Variants in BBS9 observed in about 807,000 individuals in gnomAD.
BBS9 encodes protein PTHB1.
Under a neutral mutation model 117.7 loss-of-function variants are expected in BBS9, and 89 were observed. That is an observed-to-expected ratio of 0.76 (90% CI 0.64 to 0.90). The LOEUF (loss-of-function observed/expected upper bound fraction) is 0.90. Ranked by LOEUF, BBS9 falls within the 40% of genes least tolerant of loss-of-function variation. BBS9 has a pLI of 0.00. For synonymous variants in BBS9, 379 were observed against 370.9 expected (o/e 1.02, Z -0.25); for missense variants, 982 against 1,042.2 (o/e 0.94, Z 0.80).
At chr7:33,356,005 C>T (rs1440144687) in intron 15 of BBS9, among the ~76,000 whole-genome samples, 3 of 151,702 alleles carry the variant, frequency 2.0e-5, no homozygotes, top group African/African-American at 7.3e-5. Flanking sequence ...GTAATTAGCT[C>T]AGAATTTGGT....
intron 21 of BBS9, among the ~76,000 whole-genome samples, chr7:33,633,745 A>G (rs952721794): frequency 1.7e-4 from 26 of 152,136 alleles, no homozygotes; most frequent in Admixed American, 1.3e-3. Flanking sequence ...TTCCTCTTGT[A>G]AAAACTGTGT....
chr7:33,624,064 C>T (rs1235093420), intron 21 of BBS9, among the ~76,000 whole-genome samples: 3 of 151,766 alleles, frequency 2.0e-5, no homozygotes, highest in Non-Finnish European at 4.4e-5. Flanking sequence ...AAACAGAAAA[C>T]GACATGCCTC....
intron 1 of BBS9, among the ~76,000 whole-genome samples, chr7:33,130,466 A>G (rs1311789372): frequency 1.3e-5 from 2 of 152,228 alleles, no homozygotes; most frequent in African/African-American, 4.8e-5. Context: ...TGATTTTATC[A>G]GCACCTCCTG....
intron 5 of BBS9, among the ~76,000 whole-genome samples, chr7:33,201,105 GT>G (rs1294494978): frequency 6.6e-6 from 1 of 152,036 alleles, no homozygotes. Flanking sequence ...TACTCTAGAG[GT>G]TTTTTTCACT....
chr7:33,582,303 G>C (rs1042657792), intron 21 of BBS9, among the ~76,000 whole-genome samples: 18 of 152,102 alleles, frequency 1.2e-4, no homozygotes, highest in Non-Finnish European at 1.9e-4. Context: ...GTGGGGCACA[G>C]TGTGAGGAGG....
chr7:33,630,141 A>G (rs887672601), intron 21 of BBS9, among the ~76,000 whole-genome samples: 1 of 152,192 alleles, frequency 6.6e-6, no homozygotes. Flanking sequence ...ACGTCTAAAA[A>G]TCCCTTGTCA....
chr7:33,576,557 T>G (rs568309379), intron 21 of BBS9, among the ~76,000 whole-genome samples: 11 of 152,274 alleles, frequency 7.2e-5, no homozygotes, highest in African/African-American at 2.4e-4. Flanking sequence ...AAAAAAACAC[T>G]TTAAAGTTCA....
chr7:33,333,497 A>G (rs1246614866), intron 9 of BBS9, among the ~76,000 whole-genome samples: 1 of 152,216 alleles, frequency 6.6e-6, no homozygotes, highest in Non-Finnish European at 1.5e-5. Flanking sequence ...AATGACATGA[A>G]TAGACAATTC....
chr7:33,338,011 T>C (rs1815731499), intron 10 of BBS9, among the ~76,000 whole-genome samples: 1 of 152,154 alleles, frequency 6.6e-6, no homozygotes, highest in African/African-American at 2.4e-5. Flanking sequence ...GTTATAGTGA[T>C]GACCTTGGGT....
At chr7:33,248,754 C>T (rs184151544) in intron 5 of BBS9, among the ~76,000 whole-genome samples, 1 of 152,142 alleles carries the variant, frequency 6.6e-6, no homozygotes, top group African/African-American at 2.4e-5. Context: ...TCCGTGCATG[C>T]GTAAAATGAA....
chr7:33,182,407 A>G (rs1798218670), intron 5 of BBS9, among the ~76,000 whole-genome samples: 1 of 152,138 alleles, frequency 6.6e-6, no homozygotes, highest in Non-Finnish European at 1.5e-5. Context: ...GATGTGGCTA[A>G]CTCCACATGT....
intron 7 of BBS9, among the ~76,000 whole-genome samples, chr7:33,268,910 T>G (rs34950347): frequency 0.11 from 17,198 of 152,172 alleles, 1,145 homozygotes; most frequent in African/African-American, 0.18. Flanking sequence ...TACAATATAA[T>G]GAGAAATATA....
intron 21 of BBS9, among the ~76,000 whole-genome samples, chr7:33,623,675 A>G (rs1390104378): frequency 6.6e-6 from 1 of 152,228 alleles, no homozygotes; most frequent in Admixed American, 6.5e-5. Flanking sequence ...ACTGTGGGGT[A>G]CTACACAGCA....
intron 9 of BBS9, among the ~76,000 whole-genome samples, chr7:33,274,766 G>T (rs1010702483): frequency 1.3e-5 from 2 of 152,086 alleles, no homozygotes; most frequent in African/African-American, 2.4e-5. Flanking sequence ...AGGCCGAGGT[G>T]GTTGGATCAT....
At chr7:33,361,242 C>T (rs1181037867) in intron 16 of BBS9, among the ~76,000 whole-genome samples, 1 of 152,088 alleles carries the variant, frequency 6.6e-6, no homozygotes, top group Non-Finnish European at 1.5e-5. Context: ...GTCACAATAC[C>T]AGTAGTTTTA....
intron 19 of BBS9, among the ~76,000 whole-genome samples, chr7:33,422,257 C>T (rs1832968238): frequency 6.6e-6 from 1 of 152,132 alleles, no homozygotes; most frequent in African/African-American, 2.4e-5. Flanking sequence ...TATTACTTCA[C>T]AGTAACATGT....
chr7:33,420,059 C>G (rs1390299071), intron 19 of BBS9, among the ~76,000 whole-genome samples: 3 of 152,136 alleles, frequency 2.0e-5, no homozygotes, highest in Non-Finnish European at 4.4e-5. Flanking sequence ...ATTCAATGAC[C>G]TGCCCAAAGT....
intron 17 of BBS9, among the ~76,000 whole-genome samples, chr7:33,372,537 G>A (rs777386967): frequency 7.2e-5 from 11 of 152,020 alleles, no homozygotes; most frequent in Non-Finnish European, 1.5e-4. Flanking sequence ...TTAATGTGCT[G>A]TGTTGAATTT....
At chr7:33,489,518 C>CT (rs1843618299) in intron 19 of BBS9, among the ~76,000 whole-genome samples, 1 of 152,020 alleles carries the variant, frequency 6.6e-6, no homozygotes, top group African/African-American at 2.4e-5. Flanking sequence ...TATCGGTAAA[C>CT]TAAGAGGAGA....
Sources: gnomAD v4.1 joint callset for allele counts (sites outside exome capture counted in the v4.1 genomes callset) on GRCh38, gnomAD v4.1.1 for gene constraint, MANE v1.5 for transcripts, NCBI Gene and HGNC (gene_info 2026-07-23, HGNC 2026-07-21) for gene names.